FCHSD1: variants seen among roughly 807,000 people sequenced by gnomAD.
FCHSD1 encodes FCH and double SH3 domains 1, also known as F-BAR and double SH3 domains protein 1.
Under a neutral mutation model 101.3 loss-of-function variants are expected in FCHSD1, and 109 were observed. The observed-to-expected ratio is 1.08, with a 90% confidence interval of 0.92 to 1.26. FCHSD1 has a LOEUF of 1.26. Among genes scored for constraint, FCHSD1 ranks in the 50% most tolerant of loss-of-function variants. FCHSD1 has a pLI of 0.00. For synonymous variants in FCHSD1, 291 were observed against 356.8 expected, an observed-to-expected ratio of 0.82 and a Z score of 2.08; for missense variants, 820 against 895.8, an observed-to-expected ratio of 0.92 and a Z score of 1.08.
rs937500045 is a variant in FCHSD1, at chr5:141,640,972, G to A, written c.*526C>T. On this transcript the variant is annotated 3_prime_UTR_variant, in exon 20 of 20. Transcript: ENST00000435817. ...GGTGGGCCCCTAAAGCAATAGCACC[G>A]TAGGCCCCCTGCCCTCTTAGCACAA... The A allele has an allele frequency of 1.7e-5, 8 of 472,034 alleles. No homozygotes were observed. Among genetic ancestry groups the A allele is most frequent in the African/African-American group, 3.9e-5 (2 of 51,058 alleles). 29.2% of individuals were successfully genotyped at this position (472,034 alleles called of 1,614,324 possible).
At chr5:141,645,747 G>C (rs896355813) in intron 13 of FCHSD1, 24 bp downstream of exon 13, 3 of 1,600,776 alleles carry the variant, frequency 1.9e-6, no homozygotes, top group Non-Finnish European at 2.6e-6. Context: ...AGTAAGGATG[G>C]GTAGTGTTGG....
At chr5:141,647,675 G>C in intron 8 of FCHSD1, 155 bp from the exon 9 acceptor site, 1 of 1,241,544 alleles carries the variant, frequency 8.1e-7, no homozygotes, top group Non-Finnish European at 1.1e-6. Flanking sequence ...AGAGCACTTA[G>C]AAGTTTAAAA....
rs1346977425 is a variant in FCHSD1, at chr5:141,640,000, C to G, written c.*1498G>C. The G allele has an allele frequency of 1.2e-6, 2 of 1,613,566 alleles. No individual in the cohort carries two copies. The highest frequency in any genetic ancestry group is 1.7e-6 in the Non-Finnish European group (2 of 1,179,710). ...TCCCCCACAGACAGGAGCTGGGGCT[C>G]TGGTGGGGGACAGGACCCAGGGGGT... On this transcript the variant is annotated 3_prime_UTR_variant, in exon 20 of 20. Coordinates refer to ENST00000435817, the MANE Select transcript of FCHSD1 (RefSeq NM_033449.3). This position sits in a 1 kb window ranked among gnomAD's most constrained non-coding sequence, Gnocchi z 4.4.
At chr5:141,643,762 C>T (rs192896780) in intron 17 of FCHSD1, among the ~76,000 whole-genome samples, 4 of 151,522 alleles carry the variant, frequency 2.6e-5, no homozygotes, top group East Asian at 1.9e-4. Flanking sequence ...ACAGGAGAAT[C>T]GTTTGAACCC....
At chr5:141,647,714 C>T in intron 8 of FCHSD1, 194 bp from the exon 9 acceptor site, 1 of 988,096 alleles carries the variant, frequency 1.0e-6, no homozygotes, top group East Asian at 2.7e-5. Flanking sequence ...CTCCTTTGAG[C>T]CCCACTAGTG....
chr5:141,646,094 C>A lies in FCHSD1; in HGVS notation c.1142G>T (p.Arg381Leu). 1 of 1,609,520 alleles carries A rather than the reference C, an allele frequency of 6.2e-7. No homozygotes were observed. The highest frequency in any genetic ancestry group is 1.1e-5 in the South Asian group (1 of 90,226). ...CTCAGGGGTGTGCCTCACCTGTGCC[C>A]GGCGGATGCTCTCTCGCACTTCCTG... ...RLQEVRESIR[R>L]AQVSQVKGAA... is the part of the protein sequence containing the mutation. Residue 381 changes from arginine (R) to leucine (L), a missense_variant, in exon 12 of 20, where the codon CGG becomes CTG. Transcript: ENST00000435817.
At chr5:141,650,109 T>TGG (rs2099908181) in intron 3 of FCHSD1, among the ~76,000 whole-genome samples, 155 bp from the exon 4 acceptor site, 1 of 152,228 alleles carries the variant, frequency 6.6e-6, no homozygotes, top group Admixed American at 6.5e-5. Flanking sequence ...GTTTAATCCT[T>TGG]ACAACAACCC....
At position 141,646,676 on chromosome 5, in the gene FCHSD1, C is replaced by A; in HGVS notation, c.971G>T (p.Gly324Val). 6.2e-7 allele frequency: 1 copy of A among 1,613,296 alleles called. No individual in the cohort carries two copies. The highest frequency in any genetic ancestry group is 8.5e-7 in the Non-Finnish European group (1 of 1,179,766). Residue 324 changes from glycine to valine, a missense_variant, in exon 11 of 20, where the codon GGC becomes GTC. Transcript: ENST00000435817. ...CAAGCGCTGAACCTCTTTCTCCAGG[C>A]CACTCTTGCCAGCCACGCCTTCTGC... ...WGAEGVAGKS[G>V]LEKEVQRLTS...
intron 9 of FCHSD1, 34 bp downstream of exon 9, chr5:141,647,364 C>T (rs1379612273): frequency 1.9e-6 from 3 of 1,575,268 alleles, no homozygotes. Context: ...TAAAAAGGAT[C>T]CCCGGGGAAG....
chr5:141,647,200 G>C lies in FCHSD1; in HGVS notation c.859C>G (p.Leu287Val). The change falls in exon 10 of 20, where the codon CTT (leucine) becomes GTT (valine). Residue 287 changes from leucine (L) to valine (V), a missense_variant. Physicochemically the swap from Leu to Val is conservative, Grantham distance 32. Transcript: ENST00000435817. ...VSWEQDLKLF[L>V]QEPGVFSPTP... ...GGGGAAAATACACCAGGCTCCTGAA[G>C]AAACAGCTTCAGGTCTTGCTCCCAG... 6.2e-7 allele frequency: 1 copy of C among 1,609,122 alleles called. No homozygotes were observed. The highest frequency in any genetic ancestry group is 8.5e-7 in the Non-Finnish European group (1 of 1,177,758).
At chr5:141,647,877 G>A (rs1379044994) in intron 8 of FCHSD1, 91 bp downstream of exon 8, 3 of 1,523,330 alleles carry the variant, frequency 2.0e-6, no homozygotes, top group Non-Finnish European at 2.7e-6. Flanking sequence ...AAGATCCCCT[G>A]CACCACCCAC....
Position 141,639,946 on chromosome 5 carries a change from G to T in FCHSD1, c.*1552C>A, listed in dbSNP as rs143590565. The T allele has an allele frequency of 1.2e-6, 2 of 1,614,062 alleles. No individual in the cohort carries two copies. The highest frequency in any genetic ancestry group is 2.7e-5 in the African/African-American group (2 of 75,046). On this transcript the variant is annotated 3_prime_UTR_variant, in exon 20 of 20. Coordinates refer to ENST00000435817, the MANE Select transcript of FCHSD1 (RefSeq NM_033449.3). The surrounding 1 kb of genome is among the most constrained non-coding windows in gnomAD (Gnocchi z 4.4). ...TTCCGGGTGACACACATTGAGAAGC[G>T]CTATGGACTGCACGAACACCGTGAT...
Position 141,639,607 on chromosome 5 carries a change from G to A in FCHSD1, c.*1891C>T. Reference sequence around the variant, plus strand: ...CAGGGACGCTCCAAGGAAGGAAAAAGCCGCCCCCGGACAGGGGAGACCACT... The same window carrying A: ...CAGGGACGCTCCAAGGAAGGAAAAAACCGCCCCCGGACAGGGGAGACCACT... On this transcript the variant is annotated 3_prime_UTR_variant, in exon 20 of 20. Transcript: ENST00000435817. This position sits in a 1 kb window ranked among gnomAD's most constrained non-coding sequence, Gnocchi z 4.4. 1 of 1,613,542 alleles carries A rather than the reference G, an allele frequency of 6.2e-7. No homozygotes were observed. Among genetic ancestry groups the A allele is most frequent in the Non-Finnish European group, 8.5e-7 (1 of 1,179,940 alleles).
At chr5:141,647,820 G>T in intron 8 of FCHSD1, 148 bp downstream of exon 8, 1 of 1,216,194 alleles carries the variant, frequency 8.2e-7, no homozygotes, top group Non-Finnish European at 1.1e-6. Flanking sequence ...CCAGCTAGGA[G>T]CAGAACCAGA....
chr5:141,639,971 T>C lies in FCHSD1; in HGVS notation c.*1527A>G. 2 of 1,613,928 alleles carry C rather than the reference T, an allele frequency of 1.2e-6. No individual in the cohort carries two copies. The highest frequency in any genetic ancestry group is 1.7e-6 in the Non-Finnish European group (2 of 1,179,974). ...GCTATGGACTGCACGAACACCGTGA[T>C]GGCTCCCCCACAGACAGGAGCTGGG... On this transcript the variant is annotated 3_prime_UTR_variant, in exon 20 of 20. Transcript: ENST00000435817. The surrounding 1 kb of genome is among the most constrained non-coding windows in gnomAD (Gnocchi z 4.4).
rs965216350 is a variant in FCHSD1 at position 141,641,395 on chromosome 5, G to A, written c.*103C>T. ...TGGAGGTGAGGGTGGAAATAAGGGC[G>A]ATTCCAGCTTTTGGCTGTGTTGCTC... On this transcript the variant is annotated 3_prime_UTR_variant, in exon 20 of 20. Coordinates refer to ENST00000435817, the MANE Select transcript of FCHSD1 (RefSeq NM_033449.3). 1 of 1,113,420 alleles carries A rather than the reference G, an allele frequency of 9.0e-7. No individual in the cohort carries two copies. Among genetic ancestry groups the A allele is most frequent in the Non-Finnish European group, 1.2e-6 (1 of 818,700 alleles). The allele number at this position is 1,113,420 out of a possible 1,614,324, so 69.0% of individuals were successfully genotyped here. A position where few individuals can be genotyped will look rare whatever the true frequency, so the allele number is the denominator to read the frequency against.
intron 18 of FCHSD1, chr5:141,642,430 G>A (rs964921517): frequency 8.7e-6 from 6 of 691,042 alleles, no homozygotes; most frequent in Non-Finnish European, 1.3e-5. Flanking sequence ...TTGAGTTACA[G>A]GTACACTAGA....
At chr5:141,647,252 A>T in intron 9 of FCHSD1, 22 bp from the exon 10 acceptor site, 2 of 1,591,768 alleles carry the variant, frequency 1.3e-6, no homozygotes, top group Non-Finnish European at 1.7e-6. Context: ...GAAAAGTCAA[A>T]GTCACTCATT....
At position 141,647,972 on chromosome 5, in the gene FCHSD1, A is replaced by G. The variant is rs1412072838; in HGVS notation, c.701T>C (p.Leu234Pro). ...HYYQEELPAL[L>P]KALVSELSEH... Reference sequence around the variant, plus strand: ...GGTGTCTGGGTTAAAACTGGCCTTGAGCAGAGCTGGCAGTTCCTCCTGGTA... The same window carrying G: ...GGTGTCTGGGTTAAAACTGGCCTTGGGCAGAGCTGGCAGTTCCTCCTGGTA... Residue 234 changes from leucine (L) to proline (P), a missense_variant, in exon 8 of 20, where the codon CTC becomes CCC. Transcript: ENST00000435817. The G allele has an allele frequency of 6.2e-7, 1 of 1,612,824 alleles. No homozygotes were observed. Among genetic ancestry groups the G allele is most frequent in the Non-Finnish European group, 8.5e-7 (1 of 1,179,408 alleles).
Sources: gnomAD v4.1 joint callset for allele counts (sites outside exome capture counted in the v4.1 genomes callset) on GRCh38, gnomAD v4.1.1 for gene constraint, Gnocchi (gnomAD v3.1) non-coding constraint, MANE v1.5 for transcripts, NCBI Gene and HGNC (gene_info 2026-07-23, HGNC 2026-07-21) for gene names.